Variants in ZSWIM5 observed in about 807,000 individuals in gnomAD.
The protein encoded by ZSWIM5 is zinc finger SWIM domain-containing protein 5.
ZSWIM5 carries 55 observed loss-of-function variants against 119.6 expected under a neutral mutation model. The ratio of observed to expected loss-of-function variants is 0.46; its 90% CI spans 0.37 to 0.58. The LOEUF (loss-of-function observed/expected upper bound fraction) is 0.58, where lower values mean the gene tolerates loss of function less well. ZSWIM5 is among the 20% of genes least tolerant of loss of function. The probability of loss-of-function intolerance (pLI) is 0.00; values close to 1 mark genes in which losing one functional copy is unlikely to be tolerated. For missense variants in ZSWIM5, 1,193 were observed against 1,512.8 expected (o/e 0.79, Z 3.51); for synonymous variants, 537 against 606.9 (o/e 0.88, Z 1.69).
rs114290386 is a variant in ZSWIM5, at chr1:45,119,662, T to A, written c.596-31425A>T. Among the ~76,000 whole-genome samples, 686 of 152,314 alleles carry A rather than the reference T, an allele frequency of 4.5e-3. 8 individuals are homozygous for A. Among genetic ancestry groups the A allele is most frequent in the African/African-American group, 0.016 (647 of 41,566 alleles). On this transcript the variant is annotated intron_variant, in intron 1 of 13. Coordinates refer to ENST00000359600, the MANE Select transcript of ZSWIM5 (RefSeq NM_020883.2). ...TTCTCTGAGAAACTCTGACTTTCTT[T>A]CACTCATCGTCAGTAGCTGTCTTAA...
intron 2 of ZSWIM5, among the ~76,000 whole-genome samples, chr1:45,073,109 T>C (rs1338605987): frequency 6.6e-6 from 1 of 151,850 alleles, no homozygotes; most frequent in African/African-American, 2.4e-5. Context: ...ATCAGTGTTT[T>C]ATAGTTTTCA....
At chr1:45,034,043 T>TG (rs1644968108) in intron 11 of ZSWIM5, among the ~76,000 whole-genome samples, 1 of 152,080 alleles carries the variant, frequency 6.6e-6, no homozygotes, top group Non-Finnish European at 1.5e-5. Flanking sequence ...TTAGTAGAGA[T>TG]GGGGTTTCAC....
chr1:45,036,403 G>A, intron 8 of ZSWIM5, 104 bp from the exon 9 acceptor site: 3 of 1,461,234 alleles, frequency 2.1e-6, no homozygotes, highest in Non-Finnish European at 2.7e-6. Flanking sequence ...TGTCCAGGCT[G>A]GAGTACAGTG....
intron 1 of ZSWIM5, among the ~76,000 whole-genome samples, chr1:45,136,745 G>C (rs1490862707): frequency 2.6e-5 from 4 of 152,142 alleles, no homozygotes; most frequent in African/African-American, 9.7e-5. Flanking sequence ...GCAGGATCGA[G>C]ATGATAAAAA....
chr1:45,075,515 G>C (rs1316282209), intron 2 of ZSWIM5, among the ~76,000 whole-genome samples: 3 of 152,096 alleles, frequency 2.0e-5, no homozygotes, highest in Non-Finnish European at 4.4e-5. Flanking sequence ...TCTGATAAAA[G>C]TATAGCTACT....
intron 2 of ZSWIM5, among the ~76,000 whole-genome samples, chr1:45,066,282 C>T (rs538582319): frequency 1.2e-4 from 18 of 152,096 alleles, no homozygotes; most frequent in Non-Finnish European, 2.2e-4. Context: ...TTCATTTATT[C>T]AGCCAATATT....
intron 1 of ZSWIM5, among the ~76,000 whole-genome samples, chr1:45,147,595 A>AC (rs1255854935): frequency 1.3e-5 from 2 of 151,164 alleles, no homozygotes; most frequent in Non-Finnish European, 3.0e-5. Flanking sequence ...AAAAAAAAAA[A>AC]AAAAAAAAAG....
intron 2 of ZSWIM5, among the ~76,000 whole-genome samples, chr1:45,084,541 G>C (rs774735773): frequency 3.3e-5 from 5 of 152,126 alleles, no homozygotes; most frequent in Non-Finnish European, 7.4e-5. Context: ...CCACTTATGA[G>C]CCGGTAAAAT....
At chr1:45,140,352 A>C (rs1303688983) in intron 1 of ZSWIM5, among the ~76,000 whole-genome samples, 3 of 152,204 alleles carry the variant, frequency 2.0e-5, no homozygotes, top group Non-Finnish European at 4.4e-5. Flanking sequence ...AAAACCTAAA[A>C]TATTTAGGCT....
chr1:45,187,390 T>C (rs1316302751), intron 1 of ZSWIM5, among the ~76,000 whole-genome samples: 1 of 151,574 alleles, frequency 6.6e-6, no homozygotes, highest in African/African-American at 2.4e-5. Context: ...AAAATGGATA[T>C]CCATATTAAA....
At chr1:45,183,968 T>A (rs199588798) in intron 1 of ZSWIM5, among the ~76,000 whole-genome samples, 1 of 152,060 alleles carries the variant, frequency 6.6e-6, no homozygotes, top group South Asian at 2.1e-4. Context: ...TAGACCAATA[T>A]CCTTGATGAA....
intron 6 of ZSWIM5, among the ~76,000 whole-genome samples, chr1:45,042,758 G>T (rs527667027): frequency 1.1e-4 from 17 of 152,198 alleles, no homozygotes; most frequent in Non-Finnish European, 1.5e-5. Flanking sequence ...TATCATGAAC[G>T]AAGGTAGGAA....
chr1:45,193,568 G>T (rs1646104367), intron 1 of ZSWIM5, among the ~76,000 whole-genome samples: 1 of 152,058 alleles, frequency 6.6e-6, no homozygotes, highest in African/African-American at 2.4e-5. Flanking sequence ...CTAGAAAAAA[G>T]ATACTGTGTT....
chr1:45,105,355 T>TCTGC (rs927958017), intron 1 of ZSWIM5, among the ~76,000 whole-genome samples: 1 of 152,228 alleles, frequency 6.6e-6, no homozygotes, highest in Non-Finnish European at 1.5e-5. Context: ...GATTACAGCC[T>TCTGC]CTGCCTGCCT....
intron 1 of ZSWIM5, among the ~76,000 whole-genome samples, chr1:45,138,687 T>A (rs1035162951): frequency 6.6e-6 from 1 of 151,990 alleles, no homozygotes; most frequent in Non-Finnish European, 1.5e-5. Context: ...CACTGGTGAT[T>A]AGCTCAAAAT....
chr1:45,202,967 A>C (rs775159533), intron 1 of ZSWIM5, among the ~76,000 whole-genome samples: 1 of 152,048 alleles, frequency 6.6e-6, no homozygotes, highest in Non-Finnish European at 1.5e-5. Flanking sequence ...CAAGTTAAAA[A>C]TGCAGATGCT....
intron 2 of ZSWIM5, among the ~76,000 whole-genome samples, chr1:45,083,038 G>A (rs1295378185): frequency 6.6e-6 from 1 of 152,128 alleles, no homozygotes; most frequent in African/African-American, 2.4e-5. Context: ...CTACAGGCCT[G>A]GGGGATGGGG....
Position 45,018,397 on chromosome 1 carries a change from C to A in ZSWIM5, c.*57G>T. The A allele has an allele frequency of 6.3e-7, 1 of 1,578,414 alleles. No homozygotes were observed. The highest frequency in any genetic ancestry group is 8.6e-7 in the Non-Finnish European group (1 of 1,162,588). On this transcript the variant is annotated 3_prime_UTR_variant, in exon 14 of 14. Coordinates refer to ENST00000359600, the MANE Select transcript of ZSWIM5 (RefSeq NM_020883.2). The surrounding 1 kb of genome is among the most constrained non-coding windows in gnomAD (Gnocchi z 6.7). The stretch of plus-strand genomic sequence containing the variant: ...TGGACAAATGTTTCAGTGCCCTTGG[C>A]CTGACCTGATACTACCTGGGAACCC...
At chr1:45,020,203 C>T in intron 12 of ZSWIM5, 56 bp from the exon 13 acceptor site, 1 of 1,411,936 alleles carries the variant, frequency 7.1e-7, no homozygotes, top group South Asian at 1.2e-5. Flanking sequence ...TGACCTCTCC[C>T]TCCCCTTGCA....
Sources: gnomAD v4.1 joint callset for allele counts (sites outside exome capture counted in the v4.1 genomes callset) on GRCh38, gnomAD v4.1.1 for gene constraint, Gnocchi (gnomAD v3.1) non-coding constraint, MANE v1.5 for transcripts, NCBI Gene and HGNC (gene_info 2026-07-23, HGNC 2026-07-21) for gene names.